Variants in STAG3 observed in about 807,000 individuals in gnomAD.
The protein encoded by STAG3 is cohesin subunit SA-3.
Under a neutral mutation model 160.7 loss-of-function variants are expected in STAG3, and 101 were observed. The observed-to-expected ratio is 0.63, with a 90% CI of 0.54 to 0.74. The LOEUF (loss-of-function observed/expected upper bound fraction) is 0.74. Ranked by LOEUF, STAG3 falls within the 30% of genes least tolerant of loss-of-function variation. STAG3 has a pLI of 0.00. For synonymous variants in STAG3, 519 were observed against 585.0 expected, an observed-to-expected ratio of 0.89 and a Z score of 1.63; for missense variants, 1,188 against 1,517.4, an observed-to-expected ratio of 0.78 and a Z score of 3.61.
rs755500918 is a variant in STAG3, at chr7:100,211,828, G to C, written c.3552G>C (p.Glu1184Asp). 2 of 1,614,142 alleles carry C rather than the reference G, an allele frequency of 1.2e-6. No individual in the cohort carries two copies. Residue 1184 changes from glutamate to aspartate, a missense_variant, in exon 32 of 34, where the codon GAG becomes GAC. Physicochemically the swap from Glu to Asp is conservative, Grantham distance 45 (BLOSUM62 2). Coordinates refer to ENST00000615138, the MANE Select transcript of STAG3 (RefSeq NM_001282717.2). ...LSLMEEDEEEELEIQDESNEE... is the reference protein window; with the variant it reads ...LSLMEEDEEEDLEIQDESNEE... ...TTATGGAAGAGGACGAGGAAGAAGA[G>C]TTAGAAATCCAGGATGAGTCAAATG...
chr7:100,198,101 C>T lies in STAG3; in HGVS notation c.1179C>T (p.Ser393=). The change falls in exon 12 of 34, where the codon TCC becomes TCT. Residue 393 remains serine (S), a synonymous_variant. Transcript: ENST00000615138. ...FTSRFKDRMV[S]MVMDREYDVA... is the part of the protein sequence containing the mutation. ...CCTTTCTGCAGGACCGGATGGTTTCCATGGTCATGGACAGAGAGTATGATG... is the reference window on the plus strand; with the variant it reads ...CCTTTCTGCAGGACCGGATGGTTTCTATGGTCATGGACAGAGAGTATGATG... 1.2e-6 allele frequency: 2 copies of T among 1,613,896 alleles called. No individual in the cohort carries two copies. The highest frequency in any genetic ancestry group is 1.7e-6 in the Non-Finnish European group (2 of 1,179,848).
intron 7 of STAG3, 137 bp from the exon 8 acceptor site, chr7:100,189,308 C>T (rs1800213354): frequency 2.0e-6 from 2 of 1,003,842 alleles, no homozygotes; most frequent in East Asian, 2.5e-5. Flanking sequence ...CAGGACAGGC[C>T]GTCTTAGGAT....
rs759886837 is a variant in STAG3 at position 100,201,787 on chromosome 7, T to TTATC, written c.2223_2226dup (p.Leu743TyrfsTer21). The TTATC allele has an allele frequency of 6.2e-7, 1 of 1,614,186 alleles. No homozygotes were observed. The highest frequency in any genetic ancestry group is 8.5e-7 in the Non-Finnish European group (1 of 1,180,006). On this transcript the variant is annotated frameshift_variant and splice_region_variant, in exon 22 of 34. Coordinates refer to ENST00000615138, the MANE Select transcript of STAG3 (RefSeq NM_001282717.2). LOFTEE classifies it high-confidence loss of function. Reference sequence around the variant, plus strand: ...TTTTCAAACCCTTTGTTGTTACAGGTTATCCTGCCAGCCTTGACTCTTGTC... The same window carrying TTATC: ...TTTTCAAACCCTTTGTTGTTACAGGTTATCTATCCTGCCAGCCTTGACTCTTGTC...
In STAG3 at chr7:100,200,501, T is replaced by A. The variant is rs770766331; in HGVS notation, c.1819T>A (p.Cys607Ser). 13 of 1,614,120 alleles carry A rather than the reference T, an allele frequency of 8.1e-6. No individual in the cohort carries two copies. In the South Asian group the frequency reaches 8.8e-5, roughly 11 times the overall value. Residue 607 changes from cysteine (C) to serine (S), a missense_variant, in exon 18 of 34, where the codon TGC becomes AGC. By Grantham distance (112) the Cys-to-Ser change is moderately radical. Coordinates refer to ENST00000615138, the MANE Select transcript of STAG3 (RefSeq NM_001282717.2). The part of the protein sequence containing the change: ...KVTPLLQLLS[C>S]FDLHIYCTGR... ...CACTCCCCTGCTCCAGCTTCTCAGC[T>A]GCTTTGACCTCCACATCTACTGCAC...
At chr7:100,216,079 A>G (rs1802725364), downstream of STAG3, among the ~76,000 whole-genome samples, 1 of 152,126 alleles carries the variant, frequency 6.6e-6, no homozygotes, top group South Asian at 2.1e-4. Flanking sequence ...GATGATTCCA[A>G]CCTTCCCTGT....
chr7:100,195,256 CT>C, intron 8 of STAG3, 52 bp from the exon 9 acceptor site: 1 of 1,532,336 alleles, frequency 6.5e-7, no homozygotes, highest in South Asian at 1.1e-5. Context: ...TCTTCAGGGC[CT>C]TATGCTTGTT....
intron 4 of STAG3, among the ~76,000 whole-genome samples, chr7:100,185,728 AT>A (rs1432844576): frequency 6.6e-6 from 1 of 152,156 alleles, no homozygotes; most frequent in Non-Finnish European, 1.5e-5. Flanking sequence ...TCAAGAAAGA[AT>A]TATTTTTTTT....
Position 100,199,641 on chromosome 7 carries a change from G to A in STAG3, c.1674G>A (p.Arg558=), listed in dbSNP as rs761714259. Reference sequence around the variant, plus strand: ...CGCCTGTGGGCCGGGTCACTGGGAGGAAGGTATGGTGTGAGGGTAGAGTGG... The same window carrying A: ...CGCCTGTGGGCCGGGTCACTGGGAGAAAGGTATGGTGTGAGGGTAGAGTGG... ...GHPPVGRVTG[R]KGLTSKERKT... Residue 558 remains arginine (R), a synonymous_variant, in exon 16 of 34, where the codon AGG becomes AGA. Transcript: ENST00000615138. The A allele has an allele frequency of 2.5e-6, 4 of 1,590,674 alleles. No individual in the cohort carries two copies. The Admixed American group carries it at 5.2e-5, about 21-fold the overall frequency.
chr7:100,189,400 C>T (rs1252434786), intron 7 of STAG3, 45 bp from the exon 8 acceptor site: 24 of 1,585,272 alleles, frequency 1.5e-5, no homozygotes, highest in Non-Finnish European at 2.0e-5. Flanking sequence ...CCTCTCTCCT[C>T]TGACCTCAGT....
At chr7:100,208,723 G>C (rs1801892243) in intron 29 of STAG3, among the ~76,000 whole-genome samples, 1 of 152,222 alleles carries the variant, frequency 6.6e-6, no homozygotes, top group Non-Finnish European at 1.5e-5. Flanking sequence ...AGCACCGTGT[G>C]CTGGGAATAC....
chr7:100,210,963 C>T, intron 29 of STAG3, 48 bp from the exon 30 acceptor site: 1 of 1,575,866 alleles, frequency 6.3e-7, no homozygotes, highest in Non-Finnish European at 8.6e-7. Context: ...AGAGAGCACA[C>T]CTGTCGCAGG....
chr7:100,211,590 G>A, intron 31 of STAG3, 51 bp downstream of exon 31: 8 of 1,590,144 alleles, frequency 5.0e-6, no homozygotes, highest in Non-Finnish European at 6.0e-6. Context: ...GTCGCCCACT[G>A]TGAGGGGATT....
intron 29 of STAG3, among the ~76,000 whole-genome samples, chr7:100,206,350 C>G (rs1801651948): frequency 6.6e-6 from 1 of 152,000 alleles, no homozygotes; most frequent in African/African-American, 2.4e-5. Context: ...TAAAAAACAG[C>G]TTCATATTAA....
In STAG3 at chr7:100,188,956, C is replaced by T; in HGVS notation, c.655C>T (p.Leu219=). The change falls in exon 7 of 34, where the codon CTG becomes TTG. Residue 219 remains leucine, a synonymous_variant. Transcript: ENST00000615138. ...CTTCCCTATGGACGACCTCATCTCC[C>T]TGCTCACTGGCCTCTCAGACTCACA... is the stretch of plus-strand genomic sequence containing the variant. ...DGFPMDDLIS[L]LTGLSDSQVR... 6.2e-7 allele frequency: 1 copy of T among 1,614,224 alleles called. No individual in the cohort carries two copies. The highest frequency in any genetic ancestry group is 8.5e-7 in the Non-Finnish European group (1 of 1,180,038).
intron 4 of STAG3, among the ~76,000 whole-genome samples, chr7:100,183,841 A>G (rs1296444588): frequency 5.9e-5 from 9 of 152,250 alleles, no homozygotes; most frequent in Non-Finnish European, 8.8e-5. Flanking sequence ...AGATTTACCC[A>G]CATTAATGTG....
In STAG3 at chr7:100,202,355, T is replaced by C; in HGVS notation, c.2563+15T>C. On this transcript the variant is annotated intron_variant, in intron 24 of 33. Transcript: ENST00000615138. ...CCTGGGCAGTGGTGCAGTGACTCTA[T>C]ACCTGGGGCTCAGTAAGGGCTGGGG... The C allele has an allele frequency of 1.2e-6, 2 of 1,612,864 alleles. No homozygotes were observed. The highest frequency in any genetic ancestry group is 1.7e-6 in the Non-Finnish European group (2 of 1,179,190).
At chr7:100,208,202 G>A (rs1242105461) in intron 29 of STAG3, among the ~76,000 whole-genome samples, 1 of 152,094 alleles carries the variant, frequency 6.6e-6, no homozygotes, top group Admixed American at 6.6e-5. Context: ...TGTGAGATGA[G>A]GTGTGATTTC....
At chr7:100,199,462 T>A in intron 15 of STAG3, 79 bp from the exon 16 acceptor site, 1 of 1,545,362 alleles carries the variant, frequency 6.5e-7, no homozygotes, top group Non-Finnish European at 8.9e-7. Context: ...GCAGCAACGG[T>A]GGCATCGGGT....
intron 1 of STAG3, among the ~76,000 whole-genome samples, chr7:100,179,276 T>G (rs77084497): frequency 1.7e-4 from 26 of 150,668 alleles, no homozygotes; most frequent in Admixed American, 7.3e-4. Context: ...TTTTTTTTTT[T>G]GGGTGTGTCT....
Sources: allele counts gnomAD v4.1 joint callset (sites outside exome capture counted in the v4.1 genomes callset), GRCh38; gene constraint gnomAD v4.1.1; transcripts MANE v1.5; gene names NCBI Gene and HGNC (gene_info 2026-07-23, HGNC 2026-07-21).